Variants in FNBP4 observed in about 807,000 individuals in gnomAD.
The protein encoded by FNBP4 is formin-binding protein 4.
In FNBP4, 34 loss-of-function variants were observed where a neutral mutation model predicts 119.3. The ratio of observed to expected loss-of-function variants is 0.28; its 90% confidence interval spans 0.22 to 0.38. The LOEUF (loss-of-function observed/expected upper bound fraction) is 0.38, where lower values mean the gene tolerates loss of function less well. Among genes scored for constraint, FNBP4 ranks in the 10% least tolerant of loss-of-function variants. The pLI, the probability that FNBP4 is intolerant of heterozygous loss-of-function variation, is 1.00. For missense variants in FNBP4, 1,112 were observed against 1,228.9 expected (o/e 0.90, Z 1.42); for synonymous variants, 462 against 430.6 (o/e 1.07, Z -0.90).
intron 1 of FNBP4, among the ~76,000 whole-genome samples, 166 bp downstream of exon 1, chr11:47,766,903 G>A (rs936717872): frequency 6.6e-6 from 1 of 151,788 alleles, no homozygotes; most frequent in Non-Finnish European, 1.5e-5. Flanking sequence ...ACTCGGCCTG[G>A]CCCTTCTGCG....
chr11:47,738,847 ATT>A (rs71045510), intron 8 of FNBP4, among the ~76,000 whole-genome samples: 34 of 110,966 alleles, frequency 3.1e-4, no homozygotes, highest in Non-Finnish European at 3.6e-4. Context: ...TGCCCAGGTA[ATT>A]TTTTTTTTTT....
Position 47,766,716 on chromosome 11 carries a change from T to C in FNBP4, c.220+353A>G, listed in dbSNP as rs1233962035. Among the ~76,000 whole-genome samples the C allele has an allele frequency of 7.2e-5, 11 of 152,372 alleles. 1 individual carries two copies. The East Asian group carries it at 1.7e-3, about 24-fold the overall frequency. ...ACGTGTGGAAAGGCCTGGCCCACAGTCACAGGCCGCGCACGCGGAAACTCA... is the reference window on the plus strand; with the variant it reads ...ACGTGTGGAAAGGCCTGGCCCACAGCCACAGGCCGCGCACGCGGAAACTCA... On this transcript the variant is annotated intron_variant, in intron 1 of 16. Coordinates refer to ENST00000263773, the MANE Select transcript of FNBP4 (RefSeq NM_015308.5).
In FNBP4 at chr11:47,746,096, T is replaced by C. The variant is rs751827462; in HGVS notation, c.1205A>G (p.Gln402Arg). The C allele has an allele frequency of 4.4e-6, 7 of 1,609,008 alleles. No individual in the cohort carries two copies. The South Asian group carries it at 5.6e-5, about 13-fold the overall frequency. ...AACTAGCTCCAGTTCAAGGGTATCTTGTTCCTCTTCCTCCTCACTTTCTCC... is the reference window on the plus strand; with the variant it reads ...AACTAGCTCCAGTTCAAGGGTATCTCGTTCCTCTTCCTCCTCACTTTCTCC... ...QSGESEEEEE[Q>R]DTLELELVLE... Residue 402 changes from glutamine to arginine, a missense_variant, in exon 7 of 17, where the codon CAA (glutamine) becomes CGA (arginine). Around this residue, in one of 2 missense-constraint regions of FNBP4, gnomAD observed 826 missense variants for 988.8 expected, o/e 0.84. Transcript: ENST00000263773.
At chr11:47,738,433 T>C (rs1450837390) in intron 8 of FNBP4, among the ~76,000 whole-genome samples, 1 of 151,844 alleles carries the variant, frequency 6.6e-6, no homozygotes, top group Non-Finnish European at 1.5e-5. Context: ...GGTGTGGTGC[T>C]GGGCGCCTGT....
At chr11:47,752,669 C>T in intron 4 of FNBP4, 1 of 343,214 alleles carries the variant, frequency 2.9e-6, no homozygotes, top group South Asian at 5.1e-5. Context: ...GAGAAATTAG[C>T]CAGGCATGGC....
At chr11:47,752,207 C>T (rs772428987) in intron 4 of FNBP4, among the ~76,000 whole-genome samples, 6 of 150,696 alleles carry the variant, frequency 4.0e-5, no homozygotes, top group African/African-American at 7.3e-5. Flanking sequence ...GTGGATCCCC[C>T]GAGGTCAGGA....
chr11:47,748,800 C>T lies in FNBP4; in HGVS notation c.906+2116G>A, dbSNP rs552035135. ...AAGTAGCTGGGACTACAAGCATGTGCCACTACACCCAGTTATTTTAGTATT... is the reference window on the plus strand; with the variant it reads ...AAGTAGCTGGGACTACAAGCATGTGTCACTACACCCAGTTATTTTAGTATT... On this transcript the variant is annotated intron_variant, in intron 6 of 16. Transcript: ENST00000263773. Among the ~76,000 whole-genome samples the T allele has an allele frequency of 1.1e-3, 163 of 152,060 alleles. 1 individual carries two copies. Among genetic ancestry groups the T allele is most frequent in the South Asian group, 4.6e-3 (22 of 4,814 alleles).
intron 11 of FNBP4, chr11:47,731,986 T>A: frequency 1.0e-6 from 1 of 994,246 alleles, no homozygotes; most frequent in Non-Finnish European, 1.2e-6. Flanking sequence ...TTCATATTCT[T>A]GATATCAAAC....
chr11:47,750,594 CAGG>C (rs2097600405), intron 6 of FNBP4, among the ~76,000 whole-genome samples: 1 of 138,532 alleles, frequency 7.2e-6, no homozygotes, highest in South Asian at 2.3e-4. Flanking sequence ...GAGGCTGAGG[CAGG>C]AGAATGGTGT....
At chr11:47,747,698 C>T (rs1022314281) in intron 6 of FNBP4, among the ~76,000 whole-genome samples, 18 of 152,150 alleles carry the variant, frequency 1.2e-4, no homozygotes, top group Non-Finnish European at 1.5e-5. Flanking sequence ...GCCTGTAATT[C>T]CAGCACTTTG....
intron 12 of FNBP4, chr11:47,726,403 TTTAA>T (rs2097560998): frequency 1.0e-5 from 1 of 98,044 alleles, no homozygotes. Context: ...CCTGCTAATT[TTTAA>T]TTTTTTTTTT....
chr11:47,723,275 C>T lies in FNBP4; in HGVS notation c.2506G>A (p.Gly836Arg). Reference protein sequence around the residue: ...AGIGNQATGIGHQTIPVSLPA... With the variant: ...AGIGNQATGIRHQTIPVSLPA... ...AGGCTAACTGGTATTGTCTGATGTCCAATTCCTGTTGCCTGGTTTCCAATC... is the reference window on the plus strand; with the variant it reads ...AGGCTAACTGGTATTGTCTGATGTCTAATTCCTGTTGCCTGGTTTCCAATC... Residue 836 changes from glycine to arginine, a missense_variant, in exon 15 of 17, where the codon GGA becomes AGA. Physicochemically the swap from Gly to Arg is moderately radical, Grantham distance 125. Transcript: ENST00000263773. 6.2e-7 allele frequency: 1 copy of T among 1,613,242 alleles called. No individual in the cohort carries two copies. The highest frequency in any genetic ancestry group is 8.5e-7 in the Non-Finnish European group (1 of 1,179,386).
At chr11:47,754,847 A>G (rs1210788395) in intron 2 of FNBP4, among the ~76,000 whole-genome samples, 183 bp from the exon 3 acceptor site, 1 of 152,166 alleles carries the variant, frequency 6.6e-6, no homozygotes, top group Non-Finnish European at 1.5e-5. Flanking sequence ...AAGCTAATAA[A>G]AATTGATCTA....
Position 47,734,978 on chromosome 11 carries a change from A to ACC in FNBP4, c.1582-851_1582-850dup, listed in dbSNP as rs1554979768. Reference sequence around the variant, plus strand: ...CAGAGCAAGACTCCATCACCCCAACACCCCCCCCCCCAAAAAAAAAGGAAA... The same window carrying ACC: ...CAGAGCAAGACTCCATCACCCCAACACCCCCCCCCCCCCAAAAAAAAAGGAAA... On this transcript the variant is annotated intron_variant, in intron 9 of 16. Coordinates refer to ENST00000263773, the MANE Select transcript of FNBP4 (RefSeq NM_015308.5). Among the ~76,000 whole-genome samples, 374 of 57,262 alleles carry ACC rather than the reference A, an allele frequency of 6.5e-3. 21 individuals are homozygous for ACC. The highest frequency in any genetic ancestry group is 0.023 in the African/African-American group (363 of 16,006). 37.6% of individuals were successfully genotyped at this position (57,262 alleles called of 152,430 possible).
chr11:47,739,218 T>C (rs886661523), intron 8 of FNBP4, among the ~76,000 whole-genome samples: 3 of 152,120 alleles, frequency 2.0e-5, no homozygotes, highest in Middle Eastern at 3.4e-3. Flanking sequence ...AGCTGAGCTA[T>C]TGCATCCGGC....
intron 2 of FNBP4, among the ~76,000 whole-genome samples, chr11:47,763,334 G>A (rs905150984): frequency 6.6e-6 from 1 of 151,110 alleles, no homozygotes; most frequent in African/African-American, 2.4e-5. Flanking sequence ...AATCCCAGCT[G>A]CTCAGGAGGG....
chr11:47,732,605 A>G lies in FNBP4; in HGVS notation c.1752T>C (p.Asp584=), dbSNP rs2097568733. Reference sequence around the variant, plus strand: ...CATACTGTTTTAGTTGTTCTGCTGCATCCTGAAGTTTTCGTTTAAGGTAGT... The same window carrying G: ...CATACTGTTTTAGTTGTTCTGCTGCGTCCTGAAGTTTTCGTTTAAGGTAGT... The part of the protein sequence containing the change: ...NGNYLKRKLQ[D]AAEQLKQYEI... The change falls in exon 11 of 17, where the codon GAT becomes GAC. Residue 584 remains aspartate, a synonymous_variant. Coordinates refer to ENST00000263773, the MANE Select transcript of FNBP4 (RefSeq NM_015308.5). This position sits in a 1 kb window ranked among gnomAD's most constrained non-coding sequence, Gnocchi z 4.2. 8.7e-6 allele frequency: 14 copies of G among 1,614,054 alleles called. No individual in the cohort carries two copies. The highest frequency in any genetic ancestry group is 1.2e-5 in the Non-Finnish European group (14 of 1,180,032).
At chr11:47,765,490 TAGATTCCATC>T (rs1479224331) in intron 1 of FNBP4, 128 bp from the exon 2 acceptor site, 1 of 539,822 alleles carries the variant, frequency 1.9e-6, no homozygotes, top group African/African-American at 2.0e-5. Flanking sequence ...ATTTCAGCTC[TAGATTCCATC>T]AATTTTTTAA....
intron 2 of FNBP4, among the ~76,000 whole-genome samples, chr11:47,762,393 C>T (rs1352933936): frequency 6.6e-6 from 1 of 152,126 alleles, no homozygotes; most frequent in Admixed American, 6.6e-5. Context: ...TCCCAAAGTG[C>T]TGGAATTACA....
Sources: allele counts gnomAD v4.1 joint callset (sites outside exome capture counted in the v4.1 genomes callset), GRCh38; gene constraint gnomAD v4.1.1; regional missense constraint gnomAD v4.1.1; non-coding constraint Gnocchi (gnomAD v3.1); transcripts MANE v1.5; gene names NCBI Gene and HGNC (gene_info 2026-07-23, HGNC 2026-07-21).